The following LHFPL4 variants were observed in gnomAD, a reference collection of about 807,000 sequenced individuals.
The protein encoded by LHFPL4 is LHFPL tetraspan subfamily member 4 protein.
LHFPL4 carries 6 observed loss-of-function variants against 20.0 expected under a neutral mutation model. The ratio of observed to expected loss-of-function variants is 0.30; its 90% confidence interval spans 0.16 to 0.59. The LOEUF is 0.59. Ranked by LOEUF, LHFPL4 falls within the 20% of genes least tolerant of loss-of-function variation. The pLI, the probability that LHFPL4 is intolerant of heterozygous loss-of-function variation, is 0.88. For synonymous variants in LHFPL4, 129 were observed against 143.8 expected (o/e 0.90, Z 0.74); for missense variants, 215 against 331.2 (o/e 0.65, Z 2.72).
In LHFPL4 at chr3:9,501,412, A is replaced by G. The variant is rs1401125855; in HGVS notation, c.*799T>C. On this transcript the variant is annotated 3_prime_UTR_variant, in exon 4 of 4. Coordinates refer to ENST00000287585, the MANE Select transcript of LHFPL4 (RefSeq NM_198560.3). ...AGAGGAGGCCTGGGCAAAAGAGGCC[A>G]AGGTCAAGGGCTCAGTCATCAGTGA... The G allele has an allele frequency of 1.3e-5, 2 of 153,546 alleles. No homozygotes were observed. Among genetic ancestry groups the G allele is most frequent in the Non-Finnish European group, 2.9e-5 (2 of 69,160 alleles). The allele number at this position is 153,546 out of a possible 1,614,324, so 9.5% of individuals were successfully genotyped here.
At chr3:9,524,182 A>G (rs1272620663) in intron 2 of LHFPL4, among the ~76,000 whole-genome samples, 2 of 148,334 alleles carry the variant, frequency 1.3e-5, no homozygotes, top group Non-Finnish European at 3.0e-5. Flanking sequence ...TAGTTTGAGT[A>G]TATGTCTAGG....
chr3:9,505,433 C>CTAGTT (rs1244337793), intron 3 of LHFPL4, among the ~76,000 whole-genome samples: 4 of 151,578 alleles, frequency 2.6e-5, no homozygotes, highest in African/African-American at 9.7e-5. Context: ...CCACATCCAG[C>CTAGTT]TAGTTTTTGT....
At chr3:9,504,355 G>A (rs556784277) in intron 3 of LHFPL4, among the ~76,000 whole-genome samples, 147 of 147,860 alleles carry the variant, frequency 9.9e-4, no homozygotes, top group African/African-American at 3.3e-3. Context: ...TCCACCCTGG[G>A]CAACTGAGCA....
intron 2 of LHFPL4, among the ~76,000 whole-genome samples, chr3:9,527,295 A>G (rs1574847159): frequency 1.3e-5 from 2 of 152,286 alleles, no homozygotes; most frequent in East Asian, 3.9e-4. Flanking sequence ...TTGACCAGGC[A>G]TCGTGGCTCA....
chr3:9,546,075 A>G (rs2046510295), intron 2 of LHFPL4, among the ~76,000 whole-genome samples: 1 of 152,048 alleles, frequency 6.6e-6, no homozygotes, highest in Non-Finnish European at 1.5e-5. Flanking sequence ...GTACTTTGGG[A>G]GGCCGAGGCC....
At chr3:9,519,790 GA>G (rs2046327007) in intron 2 of LHFPL4, among the ~76,000 whole-genome samples, 1 of 151,954 alleles carries the variant, frequency 6.6e-6, no homozygotes, top group African/African-American at 2.4e-5. Context: ...TGAGCTCAAG[GA>G]ATCCTTCTGC....
intron 2 of LHFPL4, among the ~76,000 whole-genome samples, chr3:9,526,726 T>C (rs900002379): frequency 3.3e-5 from 5 of 151,918 alleles, no homozygotes; most frequent in South Asian, 2.1e-4. Context: ...GGTGTCCTTA[T>C]AGGAAGAGAA....
chr3:9,546,262 C>T (rs2125667818), intron 2 of LHFPL4, among the ~76,000 whole-genome samples: 1 of 150,086 alleles, frequency 6.7e-6, no homozygotes, highest in East Asian at 2.0e-4. Flanking sequence ...TTGCAGTGAG[C>T]TGAGATCGCA....
chr3:9,538,702 CTT>C (rs35357177), intron 2 of LHFPL4, among the ~76,000 whole-genome samples: 83 of 140,050 alleles, frequency 5.9e-4, no homozygotes, highest in Middle Eastern at 3.6e-3. Flanking sequence ...GGTTTTCTTT[CTT>C]TTTTTTTTTT....
At position 9,499,335 on chromosome 3, in the gene LHFPL4, C is replaced by T. The variant is rs2046154330; in HGVS notation, c.*2876G>A. ...GAGCACCTGCCACCTGCCCCATCCA[C>T]ACCTCTGCAGAACCCAGGGCCCCAG... On this transcript the variant is annotated 3_prime_UTR_variant, in exon 4 of 4. Coordinates refer to ENST00000287585, the MANE Select transcript of LHFPL4 (RefSeq NM_198560.3). The T allele has an allele frequency of 6.5e-6, 1 of 152,756 alleles. No homozygotes were observed. Among genetic ancestry groups the T allele is most frequent in the Non-Finnish European group, 1.5e-5 (1 of 68,432 alleles). 9.5% of individuals were successfully genotyped at this position (152,756 alleles called of 1,614,324 possible).
intron 2 of LHFPL4, among the ~76,000 whole-genome samples, chr3:9,523,461 T>C (rs1437246723): frequency 3.3e-5 from 5 of 150,418 alleles, no homozygotes; most frequent in Non-Finnish European, 7.4e-5. Context: ...TTTATTTATT[T>C]ATTTATTTAT....
intron 2 of LHFPL4, among the ~76,000 whole-genome samples, chr3:9,531,965 G>T (rs2046411950): frequency 6.6e-6 from 1 of 152,162 alleles, no homozygotes; most frequent in Non-Finnish European, 1.5e-5. Context: ...TAAAGCTTGT[G>T]CTATCGATGT....
intron 2 of LHFPL4, among the ~76,000 whole-genome samples, chr3:9,549,677 A>G (rs2046540492): frequency 1.3e-5 from 2 of 152,236 alleles, no homozygotes; most frequent in South Asian, 4.1e-4. Context: ...AGCCTGGGCA[A>G]CAAGAGTGAA....
At position 9,512,591 on chromosome 3, in the gene LHFPL4, T is replaced by C. The variant is rs549996763; in HGVS notation, c.407-6388A>G. Among the ~76,000 whole-genome samples the C allele has an allele frequency of 1.7e-4, 26 of 152,358 alleles. 1 individual carries two copies. The South Asian group carries it at 5.0e-3, about 29-fold the overall frequency. ...CTTAGTATTTAGAACCCTCAATTTT[T>C]AGCTAAGACCTTGACTGTAGAGAAT... On this transcript the variant is annotated intron_variant, in intron 2 of 3. Coordinates refer to ENST00000287585, the MANE Select transcript of LHFPL4 (RefSeq NM_198560.3).
chr3:9,538,590 A>T (rs1261704411), intron 2 of LHFPL4, among the ~76,000 whole-genome samples: 1 of 152,136 alleles, frequency 6.6e-6, no homozygotes, highest in East Asian at 1.9e-4. Context: ...GGCAGTTATT[A>T]TTATTGTCCC....
chr3:9,539,686 C>G (rs1484768763), intron 2 of LHFPL4, among the ~76,000 whole-genome samples: 1 of 152,064 alleles, frequency 6.6e-6, no homozygotes, highest in Non-Finnish European at 1.5e-5. Context: ...AAAAGATAAA[C>G]TGAGAAGCAA....
At chr3:9,549,121 AG>A (rs1030945000) in intron 2 of LHFPL4, among the ~76,000 whole-genome samples, 3 of 152,110 alleles carry the variant, frequency 2.0e-5, no homozygotes, top group Admixed American at 6.5e-5. Flanking sequence ...AATTTATTTA[AG>A]CCAGCTCGAG....
In LHFPL4 at chr3:9,523,243, G is replaced by A. The variant is rs1221362020; in HGVS notation, c.407-17040C>T. On this transcript the variant is annotated intron_variant, in intron 2 of 3. Coordinates refer to ENST00000287585, the MANE Select transcript of LHFPL4 (RefSeq NM_198560.3). ...CTAAAAATACAAAAATTAGCCGGGC[G>A]TGGTGGGCATGGCTGTAGTCCCAGC... Among the ~76,000 whole-genome samples the A allele has an allele frequency of 2.6e-4, 38 of 146,620 alleles. No individual in the cohort carries two copies. In the East Asian group the frequency reaches 2.6e-3, roughly 10 times the overall value.
chr3:9,534,798 A>C (rs957084633), intron 2 of LHFPL4, among the ~76,000 whole-genome samples: 1 of 152,216 alleles, frequency 6.6e-6, no homozygotes, highest in African/African-American at 2.4e-5. Context: ...TCATGGATTA[A>C]TCTCAAAAAC....
Sources: allele counts gnomAD v4.1 joint callset (sites outside exome capture counted in the v4.1 genomes callset), GRCh38; gene constraint gnomAD v4.1.1; transcripts MANE v1.5; gene names NCBI Gene and HGNC (gene_info 2026-07-23, HGNC 2026-07-21).